Variants in GRM7 observed in about 807,000 individuals in gnomAD.
GRM7 encodes the protein glutamate metabotropic receptor 7, also known as metabotropic glutamate receptor 7.
Under a neutral mutation model 84.5 loss-of-function variants are expected in GRM7, and 35 were observed. The observed-to-expected ratio is 0.41, with a 90% CI of 0.32 to 0.55. The LOEUF is 0.55. Ranked by LOEUF, GRM7 falls within the 20% of genes least tolerant of loss-of-function variation. The pLI is 0.19. For synonymous variants in GRM7, 487 were observed against 455.1 expected, an observed-to-expected ratio of 1.07 and a Z score of -0.89; for missense variants, 1,003 against 1,194.6, an observed-to-expected ratio of 0.84 and a Z score of 2.36.
At chr3:7,605,797 C>T (rs1696532959) in intron 8 of GRM7, among the ~76,000 whole-genome samples, 2 of 152,160 alleles carry the variant, frequency 1.3e-5, no homozygotes, top group African/African-American at 4.8e-5. Flanking sequence ...CAAAATGTTT[C>T]TGTAAAAGGC....
At chr3:7,528,394 C>T (rs1425779944) in intron 7 of GRM7, among the ~76,000 whole-genome samples, 1 of 151,880 alleles carries the variant, frequency 6.6e-6, no homozygotes, top group Admixed American at 6.6e-5. Context: ...TCTGATTTTG[C>T]TCATTTGAGT....
At chr3:7,216,275 A>G (rs1287748913) in intron 2 of GRM7, among the ~76,000 whole-genome samples, 1 of 152,216 alleles carries the variant, frequency 6.6e-6, no homozygotes, top group Non-Finnish European at 1.5e-5. Context: ...TCTTTGCTAC[A>G]TCACCATCAT....
At chr3:7,363,214 A>G (rs1163488302) in intron 4 of GRM7, among the ~76,000 whole-genome samples, 1 of 151,882 alleles carries the variant, frequency 6.6e-6, no homozygotes, top group African/African-American at 2.4e-5. Flanking sequence ...AAAATGTATC[A>G]CTCAGAATTT....
At chr3:7,656,631 G>A (rs935250280) in intron 8 of GRM7, among the ~76,000 whole-genome samples, 1 of 151,680 alleles carries the variant, frequency 6.6e-6, no homozygotes, top group African/African-American at 2.4e-5. Context: ...GTCCCCAGGG[G>A]TAGGGAGGTT....
At chr3:7,376,350 C>A (rs957850841) in intron 4 of GRM7, among the ~76,000 whole-genome samples, 4 of 152,196 alleles carry the variant, frequency 2.6e-5, no homozygotes, top group Non-Finnish European at 5.9e-5. Context: ...CTATAATCCT[C>A]ACACCGAGCT....
At chr3:7,643,729 A>G (rs1698474757) in intron 8 of GRM7, among the ~76,000 whole-genome samples, 1 of 152,174 alleles carries the variant, frequency 6.6e-6, no homozygotes, top group South Asian at 2.1e-4. Flanking sequence ...AAGCATCCAA[A>G]TAAGAGGTTA....
intron 1 of GRM7, among the ~76,000 whole-genome samples, chr3:7,110,810 A>G (rs1692822829): frequency 6.6e-6 from 1 of 152,066 alleles, no homozygotes; most frequent in African/African-American, 2.4e-5. Context: ...AATTAGCAAC[A>G]TCAAGGTTTG....
At chr3:7,243,579 C>G (rs751780569) in intron 2 of GRM7, among the ~76,000 whole-genome samples, 1 of 152,146 alleles carries the variant, frequency 6.6e-6, no homozygotes, top group Non-Finnish European at 1.5e-5. Flanking sequence ...TGAACCCATT[C>G]TAAACCAATC....
chr3:7,189,889 G>A (rs1445135181), intron 2 of GRM7, among the ~76,000 whole-genome samples: 2 of 151,946 alleles, frequency 1.3e-5, no homozygotes, highest in Admixed American at 1.3e-4. Context: ...ACTAAACGTT[G>A]CCTCTTTTGC....
chr3:7,248,011 C>A lies in GRM7; in HGVS notation c.737-50673C>A, dbSNP rs1009345133. Among the ~76,000 whole-genome samples, 9 of 152,210 alleles carry A rather than the reference C, an allele frequency of 5.9e-5. No homozygotes were observed. In the South Asian group the frequency reaches 1.9e-3, roughly 32 times the overall value. On this transcript the variant is annotated intron_variant, in intron 2 of 9. Coordinates refer to ENST00000357716, the MANE Select transcript of GRM7 (RefSeq NM_000844.4). The stretch of plus-strand genomic sequence containing the variant: ...TTGTTCACAGATCAGAACTCTTACA[C>A]TTTACGGGTGAGAGTGTATATGGTG...
chr3:7,281,660 C>G (rs536208762), intron 2 of GRM7, among the ~76,000 whole-genome samples: 63 of 152,084 alleles, frequency 4.1e-4, no homozygotes, highest in African/African-American at 1.5e-3. Context: ...GGGGTGTTTC[C>G]CAAATGTTCC....
At chr3:7,508,662 T>C (rs1341912465) in intron 7 of GRM7, among the ~76,000 whole-genome samples, 1 of 152,142 alleles carries the variant, frequency 6.6e-6, no homozygotes, top group Non-Finnish European at 1.5e-5. Context: ...CTTTAGGGCA[T>C]TGAAAAATTG....
chr3:7,507,410 G>A (rs1348855260), intron 7 of GRM7, among the ~76,000 whole-genome samples: 3 of 152,208 alleles, frequency 2.0e-5, no homozygotes, highest in African/African-American at 7.2e-5. Context: ...TGAGTCCTGA[G>A]AAGGAAAGAA....
chr3:7,316,533 G>A (rs1700588507), intron 4 of GRM7, among the ~76,000 whole-genome samples: 2 of 152,112 alleles, frequency 1.3e-5, no homozygotes, highest in Admixed American at 6.6e-5. Flanking sequence ...AATATATTTT[G>A]AAGCTAAAGT....
At chr3:7,203,429 CGT>C (rs1032533816) in intron 2 of GRM7, among the ~76,000 whole-genome samples, 2 of 151,962 alleles carry the variant, frequency 1.3e-5, no homozygotes, top group African/African-American at 4.8e-5. Context: ...ATATCGTGTA[CGT>C]GTGTTTGTGT....
At chr3:7,271,483 C>T (rs902302295) in intron 2 of GRM7, among the ~76,000 whole-genome samples, 2 of 150,814 alleles carry the variant, frequency 1.3e-5, no homozygotes, top group African/African-American at 2.4e-5. Flanking sequence ...GGCGTGAACC[C>T]GGGAGGCGGA....
At chr3:7,024,099 C>A (rs1695885251) in intron 1 of GRM7, among the ~76,000 whole-genome samples, 1 of 152,154 alleles carries the variant, frequency 6.6e-6, no homozygotes, top group African/African-American at 2.4e-5. Context: ...TTCTTCCAGT[C>A]TCCTCAGTTT....
chr3:7,415,075 A>G lies in GRM7; in HGVS notation c.1086A>G (p.Val362=), dbSNP rs1314821636. Residue 362 remains valine, a synonymous_variant, in exon 5 of 10, where the codon GTA becomes GTG. Coordinates refer to ENST00000357716, the MANE Select transcript of GRM7 (RefSeq NM_000844.4). ...CACTTGAAAACAACAGAAGAAATGTATGGTTTGCCGAATACTGGGAGGAAA... is the reference window on the plus strand; with the variant it reads ...CACTTGAAAACAACAGAAGAAATGTGTGGTTTGCCGAATACTGGGAGGAAA... ...SRTLENNRRN[V]WFAEYWEENF... 1.9e-6 allele frequency: 3 copies of G among 1,612,730 alleles called. No individual in the cohort carries two copies. In the East Asian group the frequency reaches 6.7e-5, roughly 36 times the overall value.
intron 9 of GRM7, among the ~76,000 whole-genome samples, chr3:7,718,988 A>T (rs940721503): frequency 1.3e-5 from 2 of 152,194 alleles, no homozygotes; most frequent in Non-Finnish European, 2.9e-5. Flanking sequence ...TATGATTCAT[A>T]TTGGAGATTT....
Sources: allele counts gnomAD v4.1 joint callset (sites outside exome capture counted in the v4.1 genomes callset), GRCh38; gene constraint gnomAD v4.1.1; transcripts MANE v1.5; gene names NCBI Gene and HGNC (gene_info 2026-07-23, HGNC 2026-07-21).